BRINP3: variants seen among roughly 807,000 people sequenced by gnomAD.
BRINP3 encodes BMP/retinoic acid inducible neural specific 3, also known as BMP/retinoic acid-inducible neural-specific protein 3.
In BRINP3, 19 loss-of-function variants were observed where a neutral mutation model predicts 71.0. That is an observed-to-expected ratio of 0.27 (90% confidence interval 0.19 to 0.39). The LOEUF (loss-of-function observed/expected upper bound fraction) is 0.39, where lower values mean the gene tolerates loss of function less well. Ranked by LOEUF, BRINP3 falls within the 10% of genes least tolerant of loss-of-function variation. The probability of loss-of-function intolerance (pLI) is 1.00; values close to 1 mark genes in which losing one functional copy is unlikely to be tolerated. For missense variants in BRINP3, 959 were observed against 940.8 expected (o/e 1.02, Z -0.25); for synonymous variants, 380 against 337.7 (o/e 1.13, Z -1.37).
chr1:190,341,687 A>T (rs1254837959), intron 2 of BRINP3, among the ~76,000 whole-genome samples: 1 of 151,842 alleles, frequency 6.6e-6, no homozygotes, highest in Non-Finnish European at 1.5e-5. Context: ...AAGATGGGAA[A>T]AAGAGGCAGA....
At chr1:190,452,632 G>A (rs763427883) in intron 2 of BRINP3, among the ~76,000 whole-genome samples, 6 of 152,154 alleles carry the variant, frequency 3.9e-5, no homozygotes, top group Non-Finnish European at 7.4e-5. Context: ...GCCACGGCAG[G>A]CGGATCACTT....
intron 6 of BRINP3, among the ~76,000 whole-genome samples, chr1:190,210,135 C>G (rs972136859): frequency 6.6e-6 from 1 of 151,972 alleles, no homozygotes; most frequent in Non-Finnish European, 1.5e-5. Flanking sequence ...ATTGATAACC[C>G]TTGTCATGGC....
At chr1:190,171,177 T>A (rs1324079328) in intron 6 of BRINP3, among the ~76,000 whole-genome samples, 2 of 152,136 alleles carry the variant, frequency 1.3e-5, no homozygotes, top group Non-Finnish European at 2.9e-5. Flanking sequence ...GTTGACGAGA[T>A]GCCACCCATA....
chr1:190,132,751 C>A (rs1397886081), intron 7 of BRINP3, among the ~76,000 whole-genome samples: 2 of 152,070 alleles, frequency 1.3e-5, no homozygotes, highest in African/African-American at 4.8e-5. Context: ...GGCTTAATTA[C>A]CCTTTCCTTG....
At chr1:190,237,303 T>C (rs918482631) in intron 4 of BRINP3, among the ~76,000 whole-genome samples, 12 of 151,810 alleles carry the variant, frequency 7.9e-5, no homozygotes, top group African/African-American at 2.7e-4. Context: ...AAATCTATCT[T>C]TCAATTGTAT....
intron 7 of BRINP3, among the ~76,000 whole-genome samples, chr1:190,136,497 C>T (rs1162875301): frequency 6.6e-6 from 1 of 152,094 alleles, no homozygotes; most frequent in East Asian, 1.9e-4. Flanking sequence ...TTACATTATT[C>T]CAGTATACTG....
At chr1:190,307,761 T>C (rs1227716248) in intron 2 of BRINP3, among the ~76,000 whole-genome samples, 1 of 151,962 alleles carries the variant, frequency 6.6e-6, no homozygotes, top group African/African-American at 2.4e-5. Flanking sequence ...TTTCCTTCCA[T>C]CTGTACTTTA....
intron 3 of BRINP3, among the ~76,000 whole-genome samples, chr1:190,279,540 C>T (rs1662880462): frequency 1.3e-5 from 2 of 151,942 alleles, no homozygotes; most frequent in South Asian, 4.1e-4. Context: ...ATCTCTTTCT[C>T]TTCTTATTTT....
intron 2 of BRINP3, among the ~76,000 whole-genome samples, chr1:190,393,057 T>C (rs1226204067): frequency 6.6e-6 from 1 of 151,634 alleles, no homozygotes; most frequent in Non-Finnish European, 1.5e-5. Flanking sequence ...AGAACCATTA[T>C]ATATTATAAT....
At chr1:190,474,537 A>G (rs960901823) in intron 1 of BRINP3, 1 of 152,716 alleles carries the variant, frequency 6.5e-6, no homozygotes, top group East Asian at 1.9e-4. Flanking sequence ...GCTTACGTAC[A>G]TTTGACTAGA....
chr1:190,202,043 G>C (rs1655055097), intron 6 of BRINP3, among the ~76,000 whole-genome samples: 1 of 152,136 alleles, frequency 6.6e-6, no homozygotes, highest in African/African-American at 2.4e-5. Context: ...TACATCCACT[G>C]ACAGCTTGCA....
intron 2 of BRINP3, among the ~76,000 whole-genome samples, chr1:190,321,003 AC>A (rs1202439933): frequency 1.3e-5 from 2 of 152,136 alleles, no homozygotes; most frequent in Non-Finnish European, 2.9e-5. Context: ...GTATATACGC[AC>A]ATTTCCAGAT....
intron 2 of BRINP3, among the ~76,000 whole-genome samples, chr1:190,307,579 A>T (rs1665205475): frequency 6.6e-6 from 1 of 151,958 alleles, no homozygotes; most frequent in African/African-American, 2.4e-5. Flanking sequence ...ATAGAAAGCA[A>T]GGCCATATTT....
intron 6 of BRINP3, among the ~76,000 whole-genome samples, chr1:190,192,419 G>GT (rs1654114186): frequency 6.6e-6 from 1 of 151,816 alleles, no homozygotes; most frequent in Admixed American, 6.6e-5. Context: ...CATTAAACTG[G>GT]TGTTCTTTAA....
At chr1:190,447,265 C>A (rs1186761582) in intron 2 of BRINP3, among the ~76,000 whole-genome samples, 2 of 145,496 alleles carry the variant, frequency 1.4e-5, no homozygotes, top group African/African-American at 5.0e-5. Flanking sequence ...TAGATATAGA[C>A]CAGACTATTA....
intron 2 of BRINP3, among the ~76,000 whole-genome samples, chr1:190,389,237 C>G (rs1210759395): frequency 1.3e-5 from 2 of 151,660 alleles, no homozygotes; most frequent in South Asian, 2.1e-4. Flanking sequence ...GATGTTTGTA[C>G]ATGATCTAAC....
At chr1:190,329,397 G>A (rs1241325478) in intron 2 of BRINP3, among the ~76,000 whole-genome samples, 1 of 151,686 alleles carries the variant, frequency 6.6e-6, no homozygotes, top group Non-Finnish European at 1.5e-5. Flanking sequence ...CATTCAAGCT[G>A]AGAGCTACAT....
intron 1 of BRINP3, among the ~76,000 whole-genome samples, chr1:190,463,764 A>G (rs1344645153): frequency 6.6e-6 from 1 of 151,894 alleles, no homozygotes; most frequent in South Asian, 2.1e-4. Flanking sequence ...TACAATCTAT[A>G]ATTTTAGATT....
At chr1:190,159,249 A>C (rs1657135098) in intron 7 of BRINP3, among the ~76,000 whole-genome samples, 1 of 152,086 alleles carries the variant, frequency 6.6e-6, no homozygotes, top group Non-Finnish European at 1.5e-5. Context: ...GAGAGATTGG[A>C]GTTGTCATTT....
Sources: gnomAD v4.1 joint callset for allele counts (sites outside exome capture counted in the v4.1 genomes callset) on GRCh38, gnomAD v4.1.1 for gene constraint, MANE v1.5 for transcripts, NCBI Gene and HGNC (gene_info 2026-07-23, HGNC 2026-07-21) for gene names.